USP43: variants seen among roughly 807,000 people sequenced by gnomAD.
The protein encoded by USP43 is ubiquitin specific peptidase 43.
A neutral mutation model predicts 90.7 loss-of-function variants in USP43; 33 were observed. The observed-to-expected ratio is 0.36, with a 90% CI of 0.28 to 0.49. USP43 has a LOEUF of 0.49. Ranked by LOEUF, USP43 falls within the 20% of genes least tolerant of loss-of-function variation. The probability of loss-of-function intolerance (pLI) is 0.98; values close to 1 mark genes in which losing one functional copy is unlikely to be tolerated. For synonymous variants in USP43, 598 were observed against 615.8 expected (o/e 0.97, Z 0.43); for missense variants, 1,274 against 1,476.4 (o/e 0.86, Z 2.25).
At chr17:9,705,032 A>G (rs1029672333) in intron 12 of USP43, among the ~76,000 whole-genome samples, 4 of 152,168 alleles carry the variant, frequency 2.6e-5, no homozygotes, top group African/African-American at 4.8e-5. Context: ...ATGCATGCCT[A>G]TATTTCAAAA....
Position 9,709,183 on chromosome 17 carries a change from G to A in USP43, c.2012-773G>A, listed in dbSNP as rs74363346. On this transcript the variant is annotated intron_variant, in intron 12 of 14. Transcript: ENST00000285199. The surrounding 1 kb of genome is among the most constrained non-coding windows in gnomAD (Gnocchi z 5.0). Reference sequence around the variant, plus strand: ...TTGTTGTCGTTACTTGAGAAATGGTGAGAATATTTATGAATTTTCCTTAGA... The same window carrying A: ...TTGTTGTCGTTACTTGAGAAATGGTAAGAATATTTATGAATTTTCCTTAGA... Among the ~76,000 whole-genome samples, 156 of 152,284 alleles carry A rather than the reference G, an allele frequency of 1.0e-3. 2 individuals are homozygous for A. In the East Asian group the frequency reaches 0.023, roughly 22 times the overall value.
intron 14 of USP43, among the ~76,000 whole-genome samples, chr17:9,723,529 TCCCCTCCCCTCCCC>T: frequency 4.3e-5 from 1 of 23,494 alleles, no homozygotes; most frequent in Non-Finnish European, 7.4e-5. Flanking sequence ...TCCCTTCCCC[TCCCCTCCCCTCCCC>T]TCCCCTCCCC....
In USP43 at chr17:9,728,193, G is replaced by A. The variant is rs867980256; in HGVS notation, c.2575G>A (p.Glu859Lys). 1.2e-6 allele frequency: 2 copies of A among 1,613,850 alleles called. No homozygotes were observed. The highest frequency in any genetic ancestry group is 2.7e-5 in the African/African-American group (2 of 74,920). Residue 859 changes from glutamate to lysine, a missense_variant, in exon 15 of 15, where the codon GAG becomes AAG. This residue lies in a region of USP43 where 285 missense variants were observed against 349.6 expected (regional missense o/e 0.82). Transcript: ENST00000285199. This position sits in a 1 kb window ranked among gnomAD's most constrained non-coding sequence, Gnocchi z 6.2. ...GTCGCTGTTGACGGGCACTGCGGGT[G>A]AGGATGAGAAGTCAGCATCGCCGAG... ...IVSLLTGTAG[E>K]DEKSASPRSN... is the part of the protein sequence containing the mutation.
In USP43 at chr17:9,712,130, A is replaced by G. The variant is rs749832348; in HGVS notation, c.2333A>G (p.Lys778Arg). 5.7e-6 allele frequency: 9 copies of G among 1,580,848 alleles called. No individual in the cohort carries two copies. The African/African-American group carries it at 1.1e-4, about 19-fold the overall frequency. The stretch of plus-strand genomic sequence containing the variant: ...ACCAACAGCCTCTGCAATCAGGAAA[A>G]GGGTATGTTGGTTAAATGTGCTTGG... ...IFTNSLCNQE[K>R]GGLEPRRLVR... is the part of the protein sequence containing the mutation. The change falls in exon 14 of 15, where the codon AAG becomes AGG. Residue 778 changes from lysine (K) to arginine (R), a missense_variant and splice_region_variant. This residue lies in a region of USP43 where 285 missense variants were observed against 349.6 expected (regional missense o/e 0.82). Transcript: ENST00000285199.
intron 14 of USP43, among the ~76,000 whole-genome samples, chr17:9,718,432 A>T (rs984137319): frequency 6.6e-6 from 1 of 152,106 alleles, no homozygotes; most frequent in Non-Finnish European, 1.5e-5. Flanking sequence ...ACAGTGATTT[A>T]TGTGTCAGAG....
At chr17:9,703,257 G>A (rs560811409) in intron 12 of USP43, among the ~76,000 whole-genome samples, 1 of 152,144 alleles carries the variant, frequency 6.6e-6, no homozygotes, top group South Asian at 2.1e-4. Flanking sequence ...AGGACAGCTG[G>A]AACCTGGGCC....
chr17:9,654,085 A>G (rs1912060433), intron 1 of USP43, among the ~76,000 whole-genome samples: 2 of 152,208 alleles, frequency 1.3e-5, no homozygotes, highest in African/African-American at 4.8e-5. Context: ...CTCACCCAGA[A>G]GAGAATGTTG....
Position 9,645,804 on chromosome 17 carries a change from G to A in USP43, c.172G>A (p.Glu58Lys). The change falls in exon 1 of 15, where the codon GAG becomes AAG. Residue 58 changes from glutamate (E) to lysine (K), a missense_variant. By Grantham distance (56) the Glu-to-Lys change is moderately conservative. Around this residue, in one of 6 missense-constraint regions of USP43, gnomAD observed 112 missense variants for 106.6 expected, o/e 1.05. Coordinates refer to ENST00000285199, the MANE Select transcript of USP43 (RefSeq NM_153210.5). The surrounding 1 kb of genome is among the most constrained non-coding windows in gnomAD (Gnocchi z 6.8). ...GCCGGGACACTGTGATGGCGACGGTGAGGGGGGCTTCGCCTGCGCCCCGGG... is the reference window on the plus strand; with the variant it reads ...GCCGGGACACTGTGATGGCGACGGTAAGGGGGGCTTCGCCTGCGCCCCGGG... The part of the protein sequence containing the change: ...PQPGHCDGDG[E>K]GGFACAPGPV... 1 of 1,389,070 alleles carries A rather than the reference G, an allele frequency of 7.2e-7. No homozygotes were observed. Among genetic ancestry groups the A allele is most frequent in the Non-Finnish European group, 9.3e-7 (1 of 1,079,096 alleles). The allele number at this position is 1,389,070 out of a possible 1,614,324, so 86.0% of individuals were successfully genotyped here. A position where few individuals can be genotyped will look rare whatever the true frequency, so the allele number is the denominator to read the frequency against.
chr17:9,728,813 A>G lies in USP43; in HGVS notation c.3195A>G (p.Ser1065=). 2 of 1,613,104 alleles carry G rather than the reference A, an allele frequency of 1.2e-6. No individual in the cohort carries two copies. The highest frequency in any genetic ancestry group is 4.5e-5 in the East Asian group (2 of 44,844). ...LGSRLERDVW[S]APSSLRLPRK... The stretch of plus-strand genomic sequence containing the variant: ...GCCGGCTCGAGAGGGATGTCTGGTC[A>G]GCCCCCAGCTCTCTCCGCCTCCCTC... Residue 1065 remains serine (S), a synonymous_variant, in exon 15 of 15, where the codon TCA becomes TCG. Transcript: ENST00000285199. This position sits in a 1 kb window ranked among gnomAD's most constrained non-coding sequence, Gnocchi z 6.2.
intron 4 of USP43, among the ~76,000 whole-genome samples, chr17:9,676,360 CA>C (rs1913776214): frequency 6.6e-6 from 1 of 152,048 alleles, no homozygotes; most frequent in Admixed American, 6.6e-5. Flanking sequence ...GAACTTGATC[CA>C]TTATCTTTCT....
intron 9 of USP43, among the ~76,000 whole-genome samples, chr17:9,694,272 G>A (rs1036148060): frequency 1.3e-5 from 2 of 152,152 alleles, no homozygotes; most frequent in Non-Finnish European, 2.9e-5. Context: ...AAGGTTCTGT[G>A]ACCTACACCC....
chr17:9,729,134 G>T lies in USP43; in HGVS notation c.*144G>T, dbSNP rs956747711. 7.3e-6 allele frequency: 5 copies of T among 686,394 alleles called. No individual in the cohort carries two copies. Among genetic ancestry groups the T allele is most frequent in the South Asian group, 7.3e-5 (2 of 27,312 alleles). The allele number at this position is 686,394 out of a possible 1,614,324, so 42.5% of individuals were successfully genotyped here. On this transcript the variant is annotated 3_prime_UTR_variant, in exon 15 of 15. Coordinates refer to ENST00000285199, the MANE Select transcript of USP43 (RefSeq NM_153210.5). ...AATTTTTTTTTTTTTGTGGTGGGGG[G>T]TCTCCATATCTAGACTTCCAACACC...
At chr17:9,692,042 GA>G (rs1032414431) in intron 8 of USP43, among the ~76,000 whole-genome samples, 4 of 138,364 alleles carry the variant, frequency 2.9e-5, no homozygotes, top group Non-Finnish European at 4.7e-5. Flanking sequence ...ACTCCATCTC[GA>G]AAAAAAAAGA....
At chr17:9,722,690 T>C (rs113532978) in intron 14 of USP43, among the ~76,000 whole-genome samples, 1,737 of 152,274 alleles carry the variant, frequency 0.011, 41 homozygotes, top group African/African-American at 0.04. Flanking sequence ...CTCTCCTTCC[T>C]CCAATCAGAT....
rs544977324 is a variant in USP43 at position 9,679,516 on chromosome 17, C to CTTT, written c.970-691_970-689dup. 1.0e-3 allele frequency among the ~76,000 whole-genome samples: 84 copies of CTTT among 82,308 alleles called. 2 individuals carry two copies. The highest frequency in any genetic ancestry group is 2.8e-3 in the African/African-American group (52 of 18,502). 54.0% of individuals were successfully genotyped at this position (82,308 alleles called of 152,430 possible). ...CACGGTGCCCAGCCCTGAAATGCAT[C>CTTT]TTTTTTTTTTTTTTTTTTTTTTTTT... On this transcript the variant is annotated intron_variant, in intron 5 of 14. Transcript: ENST00000285199.
At chr17:9,649,408 A>G (rs1157526413) in intron 1 of USP43, among the ~76,000 whole-genome samples, 1 of 151,838 alleles carries the variant, frequency 6.6e-6, no homozygotes, top group Non-Finnish European at 1.5e-5. Context: ...CAGTGGGTAC[A>G]TGTGCAGGTT....
intron 9 of USP43, among the ~76,000 whole-genome samples, chr17:9,695,256 C>A (rs1185352170): frequency 6.6e-6 from 1 of 152,114 alleles, no homozygotes; most frequent in Non-Finnish European, 1.5e-5. Flanking sequence ...CCTTGCCCTG[C>A]CTCTTCCATG....
At chr17:9,713,291 G>A (rs974596177) in intron 14 of USP43, among the ~76,000 whole-genome samples, 2 of 152,066 alleles carry the variant, frequency 1.3e-5, no homozygotes, top group African/African-American at 4.8e-5. Context: ...GTTTCATCAT[G>A]TTGGTCAGGC....
At chr17:9,672,594 C>A (rs1464496585) in intron 3 of USP43, among the ~76,000 whole-genome samples, 1 of 152,046 alleles carries the variant, frequency 6.6e-6, no homozygotes, top group African/African-American at 2.4e-5. Flanking sequence ...TGCCTAGGTA[C>A]GTGATGGACA....
Sources: gnomAD v4.1 joint callset for allele counts (sites outside exome capture counted in the v4.1 genomes callset) on GRCh38, gnomAD v4.1.1 for gene constraint, gnomAD v4.1.1 regional missense constraint, Gnocchi (gnomAD v3.1) non-coding constraint, MANE v1.5 for transcripts, NCBI Gene and HGNC (gene_info 2026-07-23, HGNC 2026-07-21) for gene names.